SLC13A5: variants seen among roughly 807,000 people sequenced by gnomAD.
SLC13A5 encodes solute carrier family 13 member 5, also known as Na(+)/citrate cotransporter.
SLC13A5 carries 25 observed loss-of-function variants against 56.5 expected under a neutral mutation model. The ratio of observed to expected loss-of-function variants is 0.44; its 90% CI spans 0.32 to 0.62. The LOEUF (loss-of-function observed/expected upper bound fraction) is 0.62. Ranked by LOEUF, SLC13A5 falls within the 20% of genes least tolerant of loss-of-function variation. The pLI is 0.04. For missense variants in SLC13A5, 649 were observed against 737.8 expected, an observed-to-expected ratio of 0.88 and a Z score of 1.39; for synonymous variants, 307 against 301.5, an observed-to-expected ratio of 1.02 and a Z score of -0.19.
At chr17:6,693,273 A>C (rs1973465738) in intron 8 of SLC13A5, 111 bp from the exon 9 acceptor site, 2 of 699,950 alleles carry the variant, frequency 2.9e-6, no homozygotes, top group Non-Finnish European at 4.6e-6. Context: ...TCAAGGGGGA[A>C]TAAAGCTAAT....
chr17:6,699,479 T>C (rs1315080967), intron 6 of SLC13A5, among the ~76,000 whole-genome samples: 1 of 152,162 alleles, frequency 6.6e-6, no homozygotes, highest in Non-Finnish European at 1.5e-5. Context: ...GCAACTTTTT[T>C]TTTTGTTTTG....
chr17:6,712,683 G>A (rs551728346), intron 1 of SLC13A5, among the ~76,000 whole-genome samples: 14 of 152,364 alleles, frequency 9.2e-5, no homozygotes, highest in Non-Finnish European at 1.6e-4. Context: ...AGACACTAAG[G>A]CCCAAGGAAG....
In SLC13A5 at chr17:6,700,991, A is replaced by T. The variant is rs1432650830; in HGVS notation, c.839+13T>A. ...AATTAGGCATAATTAGGCTGTGAGC[A>T]GCTCAAACTTACTTGAATCTCATGT... On this transcript the variant is annotated intron_variant, in intron 6 of 11. Transcript: ENST00000433363. 1 of 1,613,922 alleles carries T rather than the reference A, an allele frequency of 6.2e-7. No homozygotes were observed. Among genetic ancestry groups the T allele is most frequent in the African/African-American group, 1.3e-5 (1 of 74,924 alleles).
At chr17:6,705,652 C>T (rs531657252) in intron 3 of SLC13A5, 7 of 152,190 alleles carry the variant, frequency 4.6e-5, no homozygotes, top group Non-Finnish European at 7.3e-5. Flanking sequence ...AAGGGAGCCC[C>T]GGGCATGGGT....
In SLC13A5 at chr17:6,701,664, C is replaced by CG. The variant is rs1388986456; in HGVS notation, c.717-539dup. Among the ~76,000 whole-genome samples the CG allele has an allele frequency of 2.0e-5, 3 of 152,170 alleles. No homozygotes were observed. The highest frequency in any genetic ancestry group is 4.4e-5 in the Non-Finnish European group (3 of 68,034). On this transcript the variant is annotated intron_variant, in intron 5 of 11. Coordinates refer to ENST00000433363, the MANE Select transcript of SLC13A5 (RefSeq NM_177550.5). The surrounding 1 kb of genome is among the most constrained non-coding windows in gnomAD (Gnocchi z 4.1). ...GGCAGAGGTTGCAGTGAGCCAACATCGCGCCACTGCACTCCAGCCTGGGCG... is the reference window on the plus strand; with the variant it reads ...GGCAGAGGTTGCAGTGAGCCAACATCGGCGCCACTGCACTCCAGCCTGGGCG...
Position 6,701,173 on chromosome 17 carries a change from C to A in SLC13A5, c.717-47G>T. ...CACCTCAGATGCTGAGCTGTGGGAG[C>A]CAGCCTGGCCCTGTGCGTGGGGACG... On this transcript the variant is annotated intron_variant, in intron 5 of 11. Transcript: ENST00000433363. The surrounding 1 kb of genome is among the most constrained non-coding windows in gnomAD (Gnocchi z 4.1). The A allele has an allele frequency of 6.2e-7, 1 of 1,608,346 alleles. No individual in the cohort carries two copies.
chr17:6,694,055 G>A (rs1973489701), intron 8 of SLC13A5, 42 bp downstream of exon 8: 1 of 1,389,366 alleles, frequency 7.2e-7, no homozygotes, highest in Non-Finnish European at 1.0e-6. Context: ...TGGTTCCAGG[G>A]CTCCAGTCCT....
chr17:6,694,200 A>G lies in SLC13A5; in HGVS notation c.1056-3T>C. The G allele has an allele frequency of 6.3e-7, 1 of 1,589,806 alleles. No homozygotes were observed. Among genetic ancestry groups the G allele is most frequent in the African/African-American group, 1.3e-5 (1 of 74,430 alleles). On this transcript the variant is annotated splice_region_variant and splice_polypyrimidine_tract_variant and intron_variant, in intron 7 of 11. Transcript: ENST00000433363. ...CCACAGTGGCATCGGAGACATACCT[A>G]GGTGGGGAAAAGCACAGCTCATCTG...
At position 6,706,673 on chromosome 17, in the gene SLC13A5, T is replaced by G; in HGVS notation, c.337A>C (p.Thr113Pro). The change falls in exon 3 of 12, where the codon ACG becomes CCG. Residue 113 changes from threonine to proline, a missense_variant. Transcript: ENST00000433363. Reference sequence around the variant, plus strand: ...GGCTTGGCCCCCACCCAGAGGAGCGTGCGCAGGGCGATCCTCTTGTGCAGG... The same window carrying G: ...GGCTTGGCCCCCACCCAGAGGAGCGGGCGCAGGGCGATCCTCTTGTGCAGG... ...WNLHKRIALRTLLWVGAKPAR... is the reference protein window; with the variant it reads ...WNLHKRIALRPLLWVGAKPAR... The G allele has an allele frequency of 6.2e-7, 1 of 1,613,654 alleles. No individual in the cohort carries two copies. The highest frequency in any genetic ancestry group is 8.5e-7 in the Non-Finnish European group (1 of 1,179,916).
chr17:6,702,961 A>C lies in SLC13A5; in HGVS notation c.716+9T>G, dbSNP rs779922788. 2 of 1,613,362 alleles carry C rather than the reference A, an allele frequency of 1.2e-6. No individual in the cohort carries two copies. Among genetic ancestry groups the C allele is most frequent in the Non-Finnish European group, 1.7e-6 (2 of 1,179,632 alleles). On this transcript the variant is annotated intron_variant, in intron 5 of 11. Transcript: ENST00000433363. ...TCGTTGTCCCCAGAAGGTGCGACCAAGGACTCACTCGTTCATCTGGCCCAG... is the reference window on the plus strand; with the variant it reads ...TCGTTGTCCCCAGAAGGTGCGACCACGGACTCACTCGTTCATCTGGCCCAG...
At chr17:6,697,079 G>A (rs772024171) in intron 6 of SLC13A5, among the ~76,000 whole-genome samples, 1 of 152,140 alleles carries the variant, frequency 6.6e-6, no homozygotes, top group African/African-American at 2.4e-5. Context: ...GGGCAAGGCC[G>A]TGTGTCCTGA....
At chr17:6,691,859 A>G (rs1430879127) in intron 9 of SLC13A5, among the ~76,000 whole-genome samples, 1 of 152,088 alleles carries the variant, frequency 6.6e-6, no homozygotes, top group Non-Finnish European at 1.5e-5. Context: ...ATTCACGATC[A>G]AGTCCACACC....
chr17:6,704,128 G>A, intron 3 of SLC13A5, 72 bp from the exon 4 acceptor site: 6 of 1,518,642 alleles, frequency 4.0e-6, no homozygotes, highest in Non-Finnish European at 4.5e-6. Flanking sequence ...GAAGCAACTG[G>A]GGACTGGGTC....
rs1033080415 is a variant in SLC13A5, at chr17:6,713,139, C to A, written c.102+93G>T. The A allele has an allele frequency of 3.6e-5, 47 of 1,302,270 alleles. No individual in the cohort carries two copies. The highest frequency in any genetic ancestry group is 4.7e-5 in the Non-Finnish European group (44 of 926,788). The allele number at this position is 1,302,270 out of a possible 1,614,324, so 80.7% of individuals were successfully genotyped here. A position where few individuals can be genotyped will look rare whatever the true frequency, so the allele number is the denominator to read the frequency against. ...GGGAGAGCTGTGCTCCCCGCGAAAT[C>A]CGTGCGCTCCAGCTCAGGGCTCCCG... On this transcript the variant is annotated intron_variant, in intron 1 of 11. Transcript: ENST00000433363. This position sits in a 1 kb window ranked among gnomAD's most constrained non-coding sequence, Gnocchi z 7.3.
intron 10 of SLC13A5, chr17:6,690,077 A>C (rs1352867278): frequency 1.6e-5 from 2 of 122,320 alleles, no homozygotes; most frequent in Non-Finnish European, 3.4e-5. Flanking sequence ...AAAAAAAAAA[A>C]AAAAAAAAAA....
At position 6,687,581 on chromosome 17, in the gene SLC13A5, G is replaced by A; in HGVS notation, c.1523C>T (p.Thr508Ile). 1 of 1,613,930 alleles carries A rather than the reference G, an allele frequency of 6.2e-7. No homozygotes were observed. The highest frequency in any genetic ancestry group is 8.5e-7 in the Non-Finnish European group (1 of 1,179,950). ...GGTGAACACGATGGCATTTGGAGGG[G>A]TGGCCACAGGCAACATGAAGGCAAA... Reference protein sequence around the residue: ...ASFAFMLPVATPPNAIVFTYG... With the variant: ...ASFAFMLPVAIPPNAIVFTYG... The change falls in exon 11 of 12, where the codon ACC becomes ATC. Residue 508 changes from threonine (T) to isoleucine (I), a missense_variant. Transcript: ENST00000433363. The surrounding 1 kb of genome is among the most constrained non-coding windows in gnomAD (Gnocchi z 5.0).
chr17:6,710,420 T>C (rs1384578268), intron 1 of SLC13A5, among the ~76,000 whole-genome samples: 1 of 152,188 alleles, frequency 6.6e-6, no homozygotes, highest in African/African-American at 2.4e-5. Context: ...ATTCTTCCCA[T>C]ATGGCGCACA....
Position 6,702,984 on chromosome 17 carries a change from C to T in SLC13A5, c.702G>A (p.Leu234=). 6.2e-7 allele frequency: 1 copy of T among 1,614,122 alleles called. No individual in the cohort carries two copies. Among genetic ancestry groups the T allele is most frequent in the Non-Finnish European group, 8.5e-7 (1 of 1,179,998 alleles). The change falls in exon 5 of 12, where the codon CTG becomes CTA. Residue 234 remains leucine, a synonymous_variant. Coordinates refer to ENST00000433363, the MANE Select transcript of SLC13A5 (RefSeq NM_177550.5). ...LTGTGPNVVL[L]GQMNELFPDS... ...CAAGGACTCACTCGTTCATCTGGCCCAGGAGCACCACGTTGGGTCCCGTCC... is the reference window on the plus strand; with the variant it reads ...CAAGGACTCACTCGTTCATCTGGCCTAGGAGCACCACGTTGGGTCCCGTCC...
At position 6,690,776 on chromosome 17, in the gene SLC13A5, T is replaced by C; in HGVS notation, c.1437+3A>G. On this transcript the variant is annotated splice_donor_region_variant and intron_variant, in intron 10 of 11. Coordinates refer to ENST00000433363, the MANE Select transcript of SLC13A5 (RefSeq NM_177550.5). Reference sequence around the variant, plus strand: ...GGCTCCTCCCCACTGTCAGGTTACTTACCATGGAGGCAAAGATGGGCAGGA... The same window carrying C: ...GGCTCCTCCCCACTGTCAGGTTACTCACCATGGAGGCAAAGATGGGCAGGA... 6.2e-7 allele frequency: 1 copy of C among 1,614,146 alleles called. No homozygotes were observed. The highest frequency in any genetic ancestry group is 8.5e-7 in the Non-Finnish European group (1 of 1,180,018).
Sources: gnomAD v4.1 joint callset for allele counts (sites outside exome capture counted in the v4.1 genomes callset) on GRCh38, gnomAD v4.1.1 for gene constraint, Gnocchi (gnomAD v3.1) non-coding constraint, MANE v1.5 for transcripts, NCBI Gene and HGNC (gene_info 2026-07-23, HGNC 2026-07-21) for gene names.